GRIN2B: variants seen among roughly 807,000 people sequenced by gnomAD.
GRIN2B encodes the protein glutamate ionotropic receptor NMDA type subunit 2B, also known as glutamate receptor ionotropic, NMDA 2B.
GRIN2B carries 5 observed loss-of-function variants against 114.5 expected under a neutral mutation model. The ratio of observed to expected loss-of-function variants is 0.04; its 90% CI spans 0.02 to 0.09. The LOEUF is 0.09. GRIN2B is among the 10% of genes least tolerant of loss of function. The pLI, the probability that GRIN2B is intolerant of heterozygous loss-of-function variation, is 1.00. For synonymous variants in GRIN2B, 787 were observed against 745.1 expected (o/e 1.06, Z -0.92); for missense variants, 1,108 against 1,943.5 (o/e 0.57, Z 8.08).
intron 11 of GRIN2B, among the ~76,000 whole-genome samples, chr12:13,570,883 G>T (rs1039096078): frequency 6.6e-6 from 1 of 152,110 alleles, no homozygotes; most frequent in Admixed American, 6.6e-5. Flanking sequence ...CACCTTGTTA[G>T]GTACCCGATA....
At chr12:13,941,523 A>C (rs2136836344) in intron 2 of GRIN2B, among the ~76,000 whole-genome samples, 1 of 152,240 alleles carries the variant, frequency 6.6e-6, no homozygotes, top group South Asian at 2.1e-4. Context: ...TGAGGTGTAA[A>C]ATTCTGTGGG....
At chr12:13,943,449 C>T (rs375550944) in intron 2 of GRIN2B, among the ~76,000 whole-genome samples, 40 of 152,144 alleles carry the variant, frequency 2.6e-4, no homozygotes, top group African/African-American at 9.4e-4. Context: ...AGATTCTCCC[C>T]TGACTCCCCC....
chr12:13,547,981 A>ATATATATATTTTTTTTTTTT lies in GRIN2B; in HGVS notation c.*14801_*14802insAAAAAAAAAAAATATATATA. ...TGTGTATATATATATATATATATAT[A>ATATATATATTTTTTTTTTTT]TTTTTTTTTTTTTTCTGAAAGCTAC... On this transcript the variant is annotated 3_prime_UTR_variant, in exon 14 of 14. Coordinates refer to ENST00000609686, the MANE Select transcript of GRIN2B (RefSeq NM_000834.5). The ATATATATATTTTTTTTTTTT allele has an allele frequency of 1.5e-5, 1 of 68,578 alleles. No homozygotes were observed. Among genetic ancestry groups the ATATATATATTTTTTTTTTTT allele is most frequent in the East Asian group, 5.7e-4 (1 of 1,748 alleles). 4.2% of individuals were successfully genotyped at this position (68,578 alleles called of 1,614,324 possible). A position where few individuals can be genotyped will look rare whatever the true frequency, so the allele number is the denominator to read the frequency against.
intron 3 of GRIN2B, among the ~76,000 whole-genome samples, chr12:13,795,862 C>T (rs191958923): frequency 1.8e-4 from 28 of 152,084 alleles, no homozygotes; most frequent in African/African-American, 3.4e-4. Flanking sequence ...TGTTCTAACT[C>T]ATAGGTGGGA....
At chr12:13,590,644 A>G (rs953420339) in intron 10 of GRIN2B, among the ~76,000 whole-genome samples, 2 of 152,088 alleles carry the variant, frequency 1.3e-5, no homozygotes, top group Non-Finnish European at 1.5e-5. Context: ...TATCCAGTCT[A>G]TCATTGATGG....
chr12:13,735,404 T>G (rs7136868), intron 4 of GRIN2B, among the ~76,000 whole-genome samples: 2,376 of 152,300 alleles, frequency 0.016, 68 homozygotes, highest in African/African-American at 0.054. Flanking sequence ...TTGAAATTGA[T>G]GTCTGGTCAA....
At chr12:13,856,085 G>A (rs1285274128) in intron 3 of GRIN2B, among the ~76,000 whole-genome samples, 1 of 152,200 alleles carries the variant, frequency 6.6e-6, no homozygotes, top group African/African-American at 2.4e-5. Context: ...TTCTGTGAAG[G>A]TGGGAGTCAG....
chr12:13,767,974 C>T (rs923401996), intron 3 of GRIN2B, among the ~76,000 whole-genome samples: 1 of 152,166 alleles, frequency 6.6e-6, no homozygotes, highest in African/African-American at 2.4e-5. Context: ...GGGAGAATAA[C>T]CTCAGATTCC....
At position 13,699,323 on chromosome 12, in the gene GRIN2B, T is replaced by C. The variant is rs182245506; in HGVS notation, c.1011-23464A>G. Among the ~76,000 whole-genome samples the C allele has an allele frequency of 1.1e-4, 16 of 152,310 alleles. No homozygotes were observed. The East Asian group carries it at 2.7e-3, about 26-fold the overall frequency. ...ACACTTTCTGGAACTAATAGATAAC[T>C]AATAAATGGTGACCACTAGGGTCTC... On this transcript the variant is annotated intron_variant, in intron 4 of 13. Transcript: ENST00000609686.
chr12:13,878,169 T>C (rs532570937), intron 2 of GRIN2B, among the ~76,000 whole-genome samples: 23 of 152,166 alleles, frequency 1.5e-4, no homozygotes, highest in Non-Finnish European at 8.8e-5. Context: ...AGTCGTCCGG[T>C]TTCCAGGTGG....
chr12:13,603,576 A>G (rs965275295), intron 10 of GRIN2B, among the ~76,000 whole-genome samples: 6 of 152,102 alleles, frequency 3.9e-5, no homozygotes, highest in African/African-American at 1.2e-4. Flanking sequence ...GCTGAAAAAA[A>G]TCTTACCTGG....
chr12:13,647,234 G>A (rs754273690), intron 5 of GRIN2B, among the ~76,000 whole-genome samples: 1 of 152,072 alleles, frequency 6.6e-6, no homozygotes, highest in Non-Finnish European at 1.5e-5. Context: ...AATTTATTAT[G>A]CAGCAATAGA....
Position 13,537,572 on chromosome 12 carries a change from A to C in GRIN2B, c.*25211T>G, listed in dbSNP as rs1948227943. The C allele has an allele frequency of 2.6e-5, 4 of 152,104 alleles. No individual in the cohort carries two copies. Among genetic ancestry groups the C allele is most frequent in the African/African-American group, 4.8e-5 (2 of 41,404 alleles). 9.4% of individuals were successfully genotyped at this position (152,104 alleles called of 1,614,324 possible). A position where few individuals can be genotyped will look rare whatever the true frequency, so the allele number is the denominator to read the frequency against. On this transcript the variant is annotated 3_prime_UTR_variant, in exon 14 of 14. Coordinates refer to ENST00000609686, the MANE Select transcript of GRIN2B (RefSeq NM_000834.5). The stretch of plus-strand genomic sequence containing the variant: ...GAATAGTTGTCCATGGTGAGAGGAG[A>C]GTGACAACAAACAGCTGCCACATAT...
chr12:13,757,214 T>C (rs759188644), intron 3 of GRIN2B, among the ~76,000 whole-genome samples: 1 of 152,212 alleles, frequency 6.6e-6, no homozygotes, highest in Non-Finnish European at 1.5e-5. Context: ...AGAAACAGAA[T>C]AATAGCTTGG....
At chr12:13,945,409 T>C (rs905372827) in intron 2 of GRIN2B, among the ~76,000 whole-genome samples, 11 of 152,148 alleles carry the variant, frequency 7.2e-5, no homozygotes, top group Non-Finnish European at 1.6e-4. Context: ...CACTGCAGGG[T>C]GTTACTGCTT....
chr12:13,903,163 A>G (rs73057674), intron 2 of GRIN2B, among the ~76,000 whole-genome samples: 15,547 of 152,104 alleles, frequency 0.1, 1,054 homozygotes, highest in Middle Eastern at 0.22. Flanking sequence ...AGACATTTGT[A>G]AATGTATAAG....
At chr12:13,802,306 A>AT (rs915956475) in intron 3 of GRIN2B, among the ~76,000 whole-genome samples, 2 of 151,336 alleles carry the variant, frequency 1.3e-5, no homozygotes, top group African/African-American at 2.4e-5. Context: ...TTAAGCACAA[A>AT]TTTTTTTTCC....
rs1223631368 is a variant in GRIN2B at position 13,899,436 on chromosome 12, G to A, written c.-18-33210C>T. ...TGTTTAATCGTAGGGCAATCGGGGA[G>A]GTACCTTATGTAAGCCATGTTCAAC... On this transcript the variant is annotated intron_variant, in intron 2 of 13. Transcript: ENST00000609686. 1.9e-5 allele frequency among the ~76,000 whole-genome samples: 2 copies of A among 106,076 alleles called. 1 individual carries two copies. The highest frequency in any genetic ancestry group is 5.3e-5 in the Non-Finnish European group (2 of 37,420). 69.6% of individuals were successfully genotyped at this position (106,076 alleles called of 152,430 possible).
At chr12:13,810,838 G>A (rs1161044916) in intron 3 of GRIN2B, among the ~76,000 whole-genome samples, 1 of 152,114 alleles carries the variant, frequency 6.6e-6, no homozygotes, top group African/African-American at 2.4e-5. Context: ...TCAAATCTTG[G>A]GCCAGTCACT....
Sources: gnomAD v4.1 joint callset for allele counts (sites outside exome capture counted in the v4.1 genomes callset) on GRCh38, gnomAD v4.1.1 for gene constraint, MANE v1.5 for transcripts, NCBI Gene and HGNC (gene_info 2026-07-23, HGNC 2026-07-21) for gene names.